GRM8: variants seen among roughly 807,000 people sequenced by gnomAD.
GRM8 encodes metabotropic glutamate receptor 8.
A neutral mutation model predicts 87.2 loss-of-function variants in GRM8; 47 were observed. The observed-to-expected ratio is 0.54, with a 90% CI of 0.43 to 0.69. GRM8 has a LOEUF of 0.69. Ranked by LOEUF, GRM8 falls within the 30% of genes least tolerant of loss-of-function variation. GRM8 has a pLI of 0.00. For missense variants in GRM8, 1,019 were observed against 1,139.2 expected, an observed-to-expected ratio of 0.89 and a Z score of 1.52; for synonymous variants, 396 against 404.5, an observed-to-expected ratio of 0.98 and a Z score of 0.25.
At chr7:126,651,156 T>A (rs945790585) in intron 7 of GRM8, among the ~76,000 whole-genome samples, 1 of 152,202 alleles carries the variant, frequency 6.6e-6, no homozygotes, top group Non-Finnish European at 1.5e-5. Flanking sequence ...ATCCATGGAC[T>A]CACAGAATGC....
intron 6 of GRM8, among the ~76,000 whole-genome samples, chr7:126,894,809 A>G (rs1177264481): frequency 6.6e-6 from 1 of 152,060 alleles, no homozygotes; most frequent in Non-Finnish European, 1.5e-5. Flanking sequence ...CTTCAGTCCT[A>G]TCATCGTTAG....
intron 3 of GRM8, among the ~76,000 whole-genome samples, chr7:126,938,502 T>C (rs778948574): frequency 2.0e-5 from 3 of 152,214 alleles, no homozygotes; most frequent in South Asian, 4.1e-4. Flanking sequence ...TGTATACATA[T>C]GCATGAGCTA....
At chr7:126,978,402 C>T (rs887820537) in intron 3 of GRM8, among the ~76,000 whole-genome samples, 2 of 152,192 alleles carry the variant, frequency 1.3e-5, no homozygotes, top group Admixed American at 6.5e-5. Context: ...AAGAATTCCT[C>T]GAAGTACTTG....
chr7:127,018,896 T>G (rs1815978955), intron 3 of GRM8, among the ~76,000 whole-genome samples: 1 of 152,014 alleles, frequency 6.6e-6, no homozygotes, highest in Non-Finnish European at 1.5e-5. Flanking sequence ...CTGGAGCCAC[T>G]GCATCAGTTC....
At chr7:126,892,352 G>A (rs1801123184) in intron 6 of GRM8, among the ~76,000 whole-genome samples, 5 of 151,904 alleles carry the variant, frequency 3.3e-5, no homozygotes, top group African/African-American at 1.2e-4. Context: ...TGTTCTCATT[G>A]TTCAATTCCC....
intron 8 of GRM8, among the ~76,000 whole-genome samples, chr7:126,552,367 C>CA (rs1283199800): frequency 2.6e-5 from 4 of 151,890 alleles, no homozygotes; most frequent in Non-Finnish European, 4.4e-5. Context: ...AGCATTTGCA[C>CA]AAAAAAGGTG....
intron 6 of GRM8, among the ~76,000 whole-genome samples, chr7:126,773,191 A>AAC (rs1312086548): frequency 6.6e-6 from 1 of 151,758 alleles, no homozygotes; most frequent in Non-Finnish European, 1.5e-5. Flanking sequence ...GACACATACA[A>AAC]ACACACACAC....
At chr7:126,716,142 T>C (rs982801717) in intron 7 of GRM8, among the ~76,000 whole-genome samples, 1 of 152,224 alleles carries the variant, frequency 6.6e-6, no homozygotes, top group African/African-American at 2.4e-5. Context: ...GCATTTAAAT[T>C]TAGGCAGGAA....
chr7:126,606,508 C>T (rs149352320), intron 8 of GRM8, among the ~76,000 whole-genome samples: 1,634 of 152,240 alleles, frequency 0.011, 18 homozygotes, highest in Non-Finnish European at 0.013. Context: ...CTAAGCAAAA[C>T]ATTAACAAGT....
At chr7:126,617,104 G>A (rs1029654835) in intron 7 of GRM8, among the ~76,000 whole-genome samples, 1 of 152,198 alleles carries the variant, frequency 6.6e-6, no homozygotes, top group Non-Finnish European at 1.5e-5. Context: ...TATCCCTGAT[G>A]AACATCGCTG....
chr7:126,890,623 C>T (rs1800906589), intron 6 of GRM8, among the ~76,000 whole-genome samples: 1 of 152,032 alleles, frequency 6.6e-6, no homozygotes, highest in African/African-American at 2.4e-5. Flanking sequence ...AATAATCTTC[C>T]TCCTTTCACT....
At chr7:126,639,915 T>C (rs1311248962) in intron 7 of GRM8, among the ~76,000 whole-genome samples, 1 of 152,210 alleles carries the variant, frequency 6.6e-6, no homozygotes, top group Non-Finnish European at 1.5e-5. Flanking sequence ...TTACAGGTTA[T>C]AAAAATGTCA....
intron 8 of GRM8, among the ~76,000 whole-genome samples, chr7:126,587,566 C>T (rs1004711113): frequency 1.2e-4 from 18 of 151,696 alleles, no homozygotes; most frequent in Admixed American, 6.6e-4. Flanking sequence ...TTTCAGCAAA[C>T]TATCGCAGGG....
chr7:127,022,539 G>GGAATGAAGGGA (rs1338433266), intron 3 of GRM8, among the ~76,000 whole-genome samples: 2 of 151,952 alleles, frequency 1.3e-5, no homozygotes, highest in East Asian at 3.9e-4. Flanking sequence ...AATGGGGTGG[G>GGAATGAAGGGA]GAATGAAGGG....
At chr7:126,919,261 T>C (rs1406824756) in intron 3 of GRM8, among the ~76,000 whole-genome samples, 1 of 152,106 alleles carries the variant, frequency 6.6e-6, no homozygotes, top group Non-Finnish European at 1.5e-5. Context: ...AAAAGAAGGG[T>C]GCTTGACAGG....
chr7:126,506,047 T>C (rs1222953489), intron 9 of GRM8, among the ~76,000 whole-genome samples: 1 of 152,064 alleles, frequency 6.6e-6, no homozygotes, highest in Non-Finnish European at 1.5e-5. Flanking sequence ...CTTCTTTCAG[T>C]CTGACTATTT....
chr7:126,508,890 G>A (rs1220472767), intron 9 of GRM8, among the ~76,000 whole-genome samples: 1 of 152,094 alleles, frequency 6.6e-6, no homozygotes, highest in East Asian at 1.9e-4. Flanking sequence ...AGTACTGTTA[G>A]TAGATCCATG....
At chr7:126,616,518 C>T (rs549019916) in intron 7 of GRM8, among the ~76,000 whole-genome samples, 1 of 151,944 alleles carries the variant, frequency 6.6e-6, no homozygotes, top group East Asian at 1.9e-4. Flanking sequence ...CAAGAAATAA[C>T]TAAGATCAGA....
At chr7:126,560,868 T>C (rs1214907230) in intron 8 of GRM8, among the ~76,000 whole-genome samples, 1 of 152,210 alleles carries the variant, frequency 6.6e-6, no homozygotes, top group African/African-American at 2.4e-5. Context: ...TACACATAAA[T>C]GATAATCCTT....
Sources: gnomAD v4.1 joint callset for allele counts (sites outside exome capture counted in the v4.1 genomes callset) on GRCh38, gnomAD v4.1.1 for gene constraint, MANE v1.5 for transcripts, NCBI Gene and HGNC (gene_info 2026-07-23, HGNC 2026-07-21) for gene names.